The following KAZN variants were observed in gnomAD, a reference collection of about 807,000 sequenced individuals.
The protein encoded by KAZN is kazrin, periplakin interacting protein.
In KAZN, 40 loss-of-function variants were observed where a neutral mutation model predicts 87.4. That is an observed-to-expected ratio of 0.46 (90% CI 0.36 to 0.60). The LOEUF (loss-of-function observed/expected upper bound fraction) is 0.60, where lower values mean the gene tolerates loss of function less well. Ranked by LOEUF, KAZN falls within the 20% of genes least tolerant of loss-of-function variation. The pLI is 0.00. For synonymous variants in KAZN, 466 were observed against 458.3 expected, an observed-to-expected ratio of 1.02 and a Z score of -0.22; for missense variants, 898 against 1,073.9, an observed-to-expected ratio of 0.84 and a Z score of 2.29.
intron 1 of KAZN, among the ~76,000 whole-genome samples, chr1:14,029,318 GTTGT>G (rs1641220868): frequency 1.5e-5 from 1 of 65,890 alleles, no homozygotes; most frequent in Non-Finnish European, 3.0e-5. Context: ...TTTTGATGGG[GTTGT>G]TTGTTTTTTT....
At chr1:14,402,572 A>G (rs1286768041) in intron 2 of KAZN, among the ~76,000 whole-genome samples, 1 of 152,236 alleles carries the variant, frequency 6.6e-6, no homozygotes, top group Non-Finnish European at 1.5e-5. Flanking sequence ...ATTAACTTAT[A>G]AATGTCAATA....
intron 1 of KAZN, among the ~76,000 whole-genome samples, chr1:14,695,789 C>G (rs1245751536): frequency 6.6e-6 from 1 of 151,980 alleles, no homozygotes; most frequent in East Asian, 1.9e-4. Context: ...CAGGCATGAG[C>G]CACCGTGCCC....
chr1:14,403,690 G>A (rs1393112646), intron 2 of KAZN, among the ~76,000 whole-genome samples: 2 of 152,294 alleles, frequency 1.3e-5, no homozygotes, highest in East Asian at 3.9e-4. Context: ...CTCACTCACA[G>A]TCTGGAACTG....
At chr1:14,515,385 G>A (rs1671247375) in intron 2 of KAZN, among the ~76,000 whole-genome samples, 1 of 152,240 alleles carries the variant, frequency 6.6e-6, no homozygotes, top group African/African-American at 2.4e-5. Flanking sequence ...TTGCGAGGCA[G>A]TGTGAATGCA....
chr1:14,575,921 C>T (rs995147195), intron 2 of KAZN, among the ~76,000 whole-genome samples: 1 of 152,108 alleles, frequency 6.6e-6, no homozygotes, highest in Non-Finnish European at 1.5e-5. Flanking sequence ...GGGCCTGGCA[C>T]GTAAGAATAA....
chr1:14,863,936 A>T (rs1168548797), intron 1 of KAZN, among the ~76,000 whole-genome samples: 1 of 152,106 alleles, frequency 6.6e-6, no homozygotes, highest in Non-Finnish European at 1.5e-5. Flanking sequence ...AGTTGGGGGG[A>T]TGTGCAGCTG....
chr1:14,730,098 A>T (rs1347701738), intron 1 of KAZN, among the ~76,000 whole-genome samples: 1 of 151,900 alleles, frequency 6.6e-6, no homozygotes, highest in African/African-American at 2.4e-5. Context: ...CCTTTTTTTT[A>T]AATGTGACAG....
At chr1:14,633,308 G>C (rs1171376581) in intron 1 of KAZN, among the ~76,000 whole-genome samples, 1 of 152,170 alleles carries the variant, frequency 6.6e-6, no homozygotes, top group Admixed American at 6.5e-5. Context: ...GATTGTTAAG[G>C]ATCTTGAGAT....
chr1:14,253,950 G>A (rs1354992032), intron 2 of KAZN, among the ~76,000 whole-genome samples: 1 of 116,670 alleles, frequency 8.6e-6, no homozygotes, highest in African/African-American at 3.3e-5. Flanking sequence ...ATTCTGTAAT[G>A]GTGGTTGGGG....
At chr1:14,071,440 G>T (rs767848632) in intron 1 of KAZN, among the ~76,000 whole-genome samples, 36 of 152,134 alleles carry the variant, frequency 2.4e-4, no homozygotes, top group Non-Finnish European at 4.3e-4. Flanking sequence ...AGTACAAAGG[G>T]TTGCTACAGT....
chr1:14,964,348 C>T (rs1183522663), intron 2 of KAZN, among the ~76,000 whole-genome samples: 1 of 152,080 alleles, frequency 6.6e-6, no homozygotes, highest in Non-Finnish European at 1.5e-5. Flanking sequence ...GTGTGTAGTA[C>T]CATTAGTGCC....
intron 1 of KAZN, among the ~76,000 whole-genome samples, chr1:14,148,985 G>A (rs1645411158): frequency 6.6e-6 from 1 of 151,066 alleles, no homozygotes; most frequent in African/African-American, 2.5e-5. Flanking sequence ...TTCTGTAGTT[G>A]AATTCTGTAG....
At chr1:14,809,737 G>A (rs1049632208) in intron 1 of KAZN, among the ~76,000 whole-genome samples, 9 of 152,178 alleles carry the variant, frequency 5.9e-5, no homozygotes, top group African/African-American at 1.9e-4. Flanking sequence ...AGTGCTCGCC[G>A]TGTGGGTGGT....
At chr1:14,634,210 T>C (rs1679792682) in intron 1 of KAZN, among the ~76,000 whole-genome samples, 1 of 152,180 alleles carries the variant, frequency 6.6e-6, no homozygotes. Context: ...ATACCACATT[T>C]ACACCATATT....
rs537298276 is a variant in KAZN, at chr1:14,328,579, C to T, written c.249+147987C>T. ...TTAGCTGGGCGTGGTGGTGAGCGCC[C>T]GTAGTCCCAGCTACTCGGGAGGCTG... On this transcript the variant is annotated intron_variant, in intron 2 of 16. Coordinates refer to the KAZN transcript ENST00000636203. Among the ~76,000 whole-genome samples the T allele has an allele frequency of 4.6e-5, 7 of 151,570 alleles. No individual in the cohort carries two copies. The South Asian group carries it at 1.5e-3, about 32-fold the overall frequency.
chr1:14,754,261 C>T (rs1364677987), intron 1 of KAZN, among the ~76,000 whole-genome samples: 1 of 152,164 alleles, frequency 6.6e-6, no homozygotes, highest in East Asian at 1.9e-4. Flanking sequence ...GTGGGGAGGC[C>T]AGTGGAGGGA....
intron 1 of KAZN, among the ~76,000 whole-genome samples, chr1:14,736,739 G>A (rs1376800866): frequency 1.3e-5 from 2 of 152,192 alleles, no homozygotes; most frequent in Non-Finnish European, 2.9e-5. Context: ...AGCCCAGGAT[G>A]TGCAAGGGTG....
intron 1 of KAZN, among the ~76,000 whole-genome samples, chr1:14,916,457 C>T (rs1209627628): frequency 5.3e-5 from 8 of 152,194 alleles, no homozygotes; most frequent in South Asian, 2.1e-4. Context: ...GGATTACAGG[C>T]GTGAGCCACC....
intron 1 of KAZN, among the ~76,000 whole-genome samples, chr1:14,818,412 C>T (rs534122107): frequency 1.8e-4 from 27 of 152,340 alleles, no homozygotes; most frequent in Non-Finnish European, 1.3e-4. Context: ...TGTAATAGCG[C>T]GTTACCCAGG....
Sources: allele counts gnomAD v4.1 joint callset (sites outside exome capture counted in the v4.1 genomes callset), GRCh38; gene constraint gnomAD v4.1.1; transcripts MANE v1.5; gene names NCBI Gene and HGNC (gene_info 2026-07-23, HGNC 2026-07-21).